PRKN: variants seen among roughly 807,000 people sequenced by gnomAD.
PRKN encodes the protein E3 ubiquitin-protein ligase parkin.
In PRKN, 56 loss-of-function variants were observed where a neutral mutation model predicts 59.5. That is an observed-to-expected ratio of 0.94 (90% CI 0.76 to 1.18). The LOEUF (loss-of-function observed/expected upper bound fraction) is 1.18, where lower values mean the gene tolerates loss of function less well. Ranked by LOEUF, PRKN falls within the 50% of genes most tolerant of loss-of-function variation. PRKN has a pLI of 0.00. For synonymous variants in PRKN, 250 were observed against 222.1 expected, an observed-to-expected ratio of 1.13 and a Z score of -1.12; for missense variants, 657 against 596.4, an observed-to-expected ratio of 1.10 and a Z score of -1.06.
At chr6:162,171,046 A>G (rs1783248308) in intron 4 of PRKN, among the ~76,000 whole-genome samples, 3 of 152,078 alleles carry the variant, frequency 2.0e-5, no homozygotes, top group Admixed American at 2.0e-4. Context: ...ATGATATACT[A>G]AGTATGTTTC....
At chr6:162,534,135 T>C (rs1225041615) in intron 1 of PRKN, among the ~76,000 whole-genome samples, 2 of 152,168 alleles carry the variant, frequency 1.3e-5, no homozygotes, top group Admixed American at 6.5e-5. Flanking sequence ...AGGAGTTGCC[T>C]ATTGAAGAAA....
At chr6:162,359,059 C>CA (rs71692740) in intron 2 of PRKN, among the ~76,000 whole-genome samples, 311 of 92,542 alleles carry the variant, frequency 3.4e-3, no homozygotes, top group Middle Eastern at 0.026. Flanking sequence ...CACACTGTGG[C>CA]AAAAAAAAAA....
chr6:161,431,855 C>A (rs1788661476), intron 9 of PRKN, among the ~76,000 whole-genome samples: 1 of 152,166 alleles, frequency 6.6e-6, no homozygotes, highest in Non-Finnish European at 1.5e-5. Context: ...TCAGGCAATC[C>A]ACACCCGCCT....
Position 162,074,008 on chromosome 6 carries a change from T to C in PRKN, c.535-19834A>G, listed in dbSNP as rs1049921439. On this transcript the variant is annotated intron_variant, in intron 4 of 11. Transcript: ENST00000366898. Reference sequence around the variant, plus strand: ...AGGTGCTGGAGAGGATGTGGAGAAATAGGAACACTTTTACACTGTTGGTGG... The same window carrying C: ...AGGTGCTGGAGAGGATGTGGAGAAACAGGAACACTTTTACACTGTTGGTGG... 6.6e-5 allele frequency among the ~76,000 whole-genome samples: 10 copies of C among 150,644 alleles called. No homozygotes were observed. In the East Asian group the frequency reaches 2.0e-3, roughly 30 times the overall value.
intron 1 of PRKN, among the ~76,000 whole-genome samples, chr6:162,512,938 G>A (rs971736164): frequency 9.2e-5 from 14 of 152,238 alleles, no homozygotes; most frequent in African/African-American, 2.9e-4. Flanking sequence ...TTGGTCAGAC[G>A]TAATCTTTGC....
At chr6:162,508,054 A>T (rs1793685290) in intron 1 of PRKN, among the ~76,000 whole-genome samples, 1 of 152,196 alleles carries the variant, frequency 6.6e-6, no homozygotes, top group Admixed American at 6.5e-5. Context: ...TACAAAAGAA[A>T]GTGGTTTAAT....
At chr6:161,777,910 G>GTATATATATGTATACATATATATGTA (rs1562676747) in intron 7 of PRKN, among the ~76,000 whole-genome samples, 10 of 144,960 alleles carry the variant, frequency 6.9e-5, no homozygotes, top group African/African-American at 1.5e-4. Flanking sequence ...ATATATATGT[G>GTATATATATGTATACATATATATGTA]TATATATATG....
chr6:162,443,555 G>T, intron 1 of PRKN, 82 bp from the exon 2 acceptor site: 1 of 1,295,986 alleles, frequency 7.7e-7, no homozygotes, highest in Non-Finnish European at 1.1e-6. Flanking sequence ...TTTCTCAACC[G>T]ATTTACCCCT....
chr6:162,347,425 G>A (rs762961709), intron 2 of PRKN, among the ~76,000 whole-genome samples: 7 of 151,412 alleles, frequency 4.6e-5, no homozygotes, highest in Admixed American at 6.6e-5. Flanking sequence ...TACTTAAGAG[G>A]TTTTCTTAAT....
chr6:161,905,504 G>T (rs1262872622), intron 6 of PRKN, among the ~76,000 whole-genome samples: 1 of 152,046 alleles, frequency 6.6e-6, no homozygotes. Flanking sequence ...GATTCCCCAC[G>T]GGAGTGCTCA....
chr6:161,900,145 TATAG>T (rs1777833273), intron 6 of PRKN, among the ~76,000 whole-genome samples: 1 of 143,146 alleles, frequency 7.0e-6, no homozygotes, highest in East Asian at 3.1e-4. Context: ...AAAATAAAAA[TATAG>T]ATAATCGGAA....
At chr6:161,677,263 A>G (rs1785121543) in intron 7 of PRKN, among the ~76,000 whole-genome samples, 1 of 150,628 alleles carries the variant, frequency 6.6e-6, no homozygotes, top group African/African-American at 2.4e-5. Flanking sequence ...GTTCTCTACA[A>G]TGAAATCTTA....
At chr6:162,453,840 T>C (rs1790739013) in intron 1 of PRKN, among the ~76,000 whole-genome samples, 1 of 151,900 alleles carries the variant, frequency 6.6e-6, no homozygotes, top group South Asian at 2.1e-4. Flanking sequence ...GAGGTGGAGG[T>C]TGCAGTGAAC....
At chr6:162,509,588 T>C (rs1441272569) in intron 1 of PRKN, among the ~76,000 whole-genome samples, 1 of 152,150 alleles carries the variant, frequency 6.6e-6, no homozygotes, top group Non-Finnish European at 1.5e-5. Flanking sequence ...TCTCAAATCA[T>C]TAAAAAATAA....
At chr6:161,643,948 T>C (rs928226625) in intron 7 of PRKN, among the ~76,000 whole-genome samples, 1 of 143,956 alleles carries the variant, frequency 6.9e-6, no homozygotes, top group Non-Finnish European at 1.5e-5. Context: ...GAATTTTTTT[T>C]AGCCTGTCTT....
chr6:162,133,310 A>G (rs558308164), intron 4 of PRKN, among the ~76,000 whole-genome samples: 2 of 152,330 alleles, frequency 1.3e-5, no homozygotes, highest in Non-Finnish European at 2.9e-5. Flanking sequence ...AGGTAGCGTC[A>G]GCAACGCTGC....
chr6:162,429,416 G>A (rs371835045), intron 2 of PRKN, among the ~76,000 whole-genome samples: 116 of 152,278 alleles, frequency 7.6e-4, no homozygotes, highest in African/African-American at 2.6e-3. Flanking sequence ...CTAGAGCAGT[G>A]AAAGAGGAAC....
intron 5 of PRKN, among the ~76,000 whole-genome samples, chr6:161,977,600 G>A (rs574560090): frequency 1.2e-4 from 17 of 140,360 alleles, no homozygotes; most frequent in South Asian, 2.3e-4. Context: ...AGGCTGGAGC[G>A]CAGTGGCACG....
In PRKN at chr6:161,350,058, G is replaced by T; in HGVS notation, c.*41C>A. ...GAAAATGAAGGTAGACACTGGGTATGCTCCCCCAGGATGTGGCGATGGGGC... is the reference window on the plus strand; with the variant it reads ...GAAAATGAAGGTAGACACTGGGTATTCTCCCCCAGGATGTGGCGATGGGGC... On this transcript the variant is annotated 3_prime_UTR_variant, in exon 12 of 12. Transcript: ENST00000366898. 8.1e-7 allele frequency: 1 copy of T among 1,230,050 alleles called. No individual in the cohort carries two copies. Among genetic ancestry groups the T allele is most frequent in the Non-Finnish European group, 1.2e-6 (1 of 833,644 alleles). 76.2% of individuals were successfully genotyped at this position (1,230,050 alleles called of 1,614,324 possible).
Sources: allele counts gnomAD v4.1 joint callset (sites outside exome capture counted in the v4.1 genomes callset), GRCh38; gene constraint gnomAD v4.1.1; transcripts MANE v1.5; gene names NCBI Gene and HGNC (gene_info 2026-07-23, HGNC 2026-07-21).